The following TBX19 variants were observed in gnomAD, a reference collection of about 807,000 sequenced individuals.
TBX19 encodes T-box transcription factor 19, also known as T-box transcription factor TBX19.
TBX19 carries 33 observed loss-of-function variants against 40.9 expected under a neutral mutation model. The ratio of observed to expected loss-of-function variants is 0.81; its 90% CI spans 0.61 to 1.08. The LOEUF is 1.08. Ranked by LOEUF, TBX19 falls within the 50% of genes least tolerant of loss-of-function variation. TBX19 has a pLI of 0.00. For missense variants in TBX19, 494 were observed against 574.0 expected (o/e 0.86, Z 1.42); for synonymous variants, 220 against 225.0 (o/e 0.98, Z 0.20).
At chr1:168,304,753 A>C (rs144821603) in intron 5 of TBX19, among the ~76,000 whole-genome samples, 177 of 152,276 alleles carry the variant, frequency 1.2e-3, no homozygotes, top group African/African-American at 4.0e-3. Context: ...AACTGCCAAA[A>C]TTTTCTCACT....
intron 6 of TBX19, among the ~76,000 whole-genome samples, chr1:168,307,670 C>G (rs1350977702): frequency 2.6e-5 from 4 of 152,060 alleles, no homozygotes; most frequent in African/African-American, 9.7e-5. Flanking sequence ...CTGCCTTCTT[C>G]CTCTCTCTTA....
chr1:168,311,356 A>G (rs1396018364), intron 7 of TBX19, among the ~76,000 whole-genome samples: 3 of 152,230 alleles, frequency 2.0e-5, no homozygotes, highest in African/African-American at 7.2e-5. Context: ...TGCAGTAAGC[A>G]GTACCTCTCA....
At chr1:168,288,012 G>A (rs528166668) in intron 1 of TBX19, among the ~76,000 whole-genome samples, 1 of 152,054 alleles carries the variant, frequency 6.6e-6, no homozygotes, top group East Asian at 1.9e-4. Flanking sequence ...GACTTAAGTT[G>A]TATTTCACTT....
chr1:168,291,114 T>G, intron 1 of TBX19, 46 bp from the exon 2 acceptor site: 2 of 1,613,218 alleles, frequency 1.2e-6, no homozygotes, highest in Non-Finnish European at 1.7e-6. Flanking sequence ...AGGTGAGAGT[T>G]CCTCTAACGT....
chr1:168,312,694 C>T lies in TBX19; in HGVS notation c.1053-14C>T, dbSNP rs1365086369. The T allele has an allele frequency of 6.2e-7, 1 of 1,609,066 alleles. No homozygotes were observed. The highest frequency in any genetic ancestry group is 8.5e-7 in the Non-Finnish European group (1 of 1,179,996). On this transcript the variant is annotated splice_polypyrimidine_tract_variant and intron_variant, in intron 7 of 7. Coordinates refer to ENST00000367821, the MANE Select transcript of TBX19 (RefSeq NM_005149.3). ...CAGTGAACATTCCCTTCCCCTCTTT[C>T]TCTGTCTCTGCAGCCCCTACCCGTG...
In TBX19 at chr1:168,281,222, C is replaced by G. The variant is rs761813219; in HGVS notation, c.132C>G (p.Ile44Met). 6.2e-7 allele frequency: 1 copy of G among 1,614,142 alleles called. No homozygotes were observed. Residue 44 changes from isoleucine to methionine, a missense_variant, in exon 1 of 8, where the codon ATC (isoleucine) becomes ATG (methionine). Physicochemically the swap from Ile to Met is conservative, Grantham distance 10. This residue lies in a region of TBX19 where 201 missense variants were observed against 235.2 expected (regional missense o/e 0.85). Coordinates refer to ENST00000367821, the MANE Select transcript of TBX19 (RefSeq NM_005149.3). ...GDPTEKQLQI[I>M]LEDAPLWQRF... ...CTACGGAGAAGCAACTTCAGATCAT[C>G]CTGGAGGATGCACCTCTCTGGCAGA...
chr1:168,300,575 T>G (rs1649253917), intron 5 of TBX19, 92 bp downstream of exon 5: 1 of 1,200,156 alleles, frequency 8.3e-7, no homozygotes, highest in African/African-American at 1.5e-5. Context: ...TCAGGACTGC[T>G]TAAGGACTTC....
intron 4 of TBX19, among the ~76,000 whole-genome samples, chr1:168,299,191 A>G (rs1649215904): frequency 1.3e-5 from 2 of 151,912 alleles, no homozygotes; most frequent in Admixed American, 6.6e-5. Context: ...AATTGCTGAG[A>G]TGACAGGCTT....
chr1:168,300,309 G>T, intron 4 of TBX19, 113 bp from the exon 5 acceptor site: 1 of 967,662 alleles, frequency 1.0e-6, no homozygotes, highest in South Asian at 1.4e-5. Context: ...AAAGGTGTTT[G>T]GTTTTCTTAT....
At chr1:168,284,700 G>A (rs1572472115) in intron 1 of TBX19, among the ~76,000 whole-genome samples, 1 of 148,752 alleles carries the variant, frequency 6.7e-6, no homozygotes, top group African/African-American at 2.5e-5. Context: ...ACCTGACCCT[G>A]GGGAGGTCAA....
intron 3 of TBX19, among the ~76,000 whole-genome samples, chr1:168,296,780 A>G (rs539300275): frequency 9.8e-5 from 15 of 152,316 alleles, no homozygotes; most frequent in African/African-American, 3.6e-4. Context: ...AGGCTGAGGC[A>G]GGAAAATCAC....
intron 1 of TBX19, among the ~76,000 whole-genome samples, chr1:168,281,872 G>A (rs2072738): frequency 0.64 from 97,809 of 152,084 alleles, 31,608 homozygotes; most frequent in Non-Finnish European, 0.68. Flanking sequence ...AGTAATAGTG[G>A]ATGAAAACAT....
At chr1:168,307,835 T>C (rs1322690331) in intron 6 of TBX19, among the ~76,000 whole-genome samples, 1 of 152,186 alleles carries the variant, frequency 6.6e-6, no homozygotes, top group African/African-American at 2.4e-5. Context: ...AATTAACATG[T>C]CCATCTCCTC....
At chr1:168,306,512 G>C (rs1254397247) in intron 6 of TBX19, among the ~76,000 whole-genome samples, 1 of 151,288 alleles carries the variant, frequency 6.6e-6, no homozygotes, top group Non-Finnish European at 1.5e-5. Flanking sequence ...TGTAATCCCA[G>C]CTACTTGGGA....
intron 3 of TBX19, 152 bp from the exon 4 acceptor site, chr1:168,297,572 A>G (rs567049651): frequency 5.5e-6 from 4 of 731,930 alleles, no homozygotes; most frequent in Non-Finnish European, 1.0e-5. Flanking sequence ...TCTGCCTCTC[A>G]GAGTGCTGGG....
chr1:168,312,705 C>T lies in TBX19; in HGVS notation c.1053-3C>T, dbSNP rs748796043. The T allele has an allele frequency of 6.8e-6, 11 of 1,611,136 alleles. No homozygotes were observed. Among genetic ancestry groups the T allele is most frequent in the South Asian group, 6.6e-5 (6 of 91,084 alleles). On this transcript the variant is annotated splice_region_variant and splice_polypyrimidine_tract_variant and intron_variant, in intron 7 of 7. Coordinates refer to ENST00000367821, the MANE Select transcript of TBX19 (RefSeq NM_005149.3). ...CCCTTCCCCTCTTTCTCTGTCTCTG[C>T]AGCCCCTACCCGTGCCTGTGGACCA...
chr1:168,293,297 G>GTA lies in TBX19; in HGVS notation c.603+20_603+21insAT, dbSNP rs1367271190. The GTA allele has an allele frequency of 6.5e-7, 1 of 1,546,856 alleles. No individual in the cohort carries two copies. The highest frequency in any genetic ancestry group is 1.6e-5 in the African/African-American group (1 of 63,310). On this transcript the variant is annotated intron_variant, in intron 3 of 7. Coordinates refer to ENST00000367821, the MANE Select transcript of TBX19 (RefSeq NM_005149.3). The stretch of plus-strand genomic sequence containing the variant: ...TGAGGAGGTAAGAGTGTGTGTGTGT[G>GTA]TGTGTGTGTGTGTGTGTGTGTGTGT...
At chr1:168,312,153 CTTAT>C (rs1409260144) in intron 7 of TBX19, among the ~76,000 whole-genome samples, 8 of 152,198 alleles carry the variant, frequency 5.3e-5, no homozygotes, top group African/African-American at 1.9e-4. Flanking sequence ...ATATACTCCT[CTTAT>C]TTAATCCTTG....
In TBX19 at chr1:168,291,337, C is replaced by T. The variant is rs369030642; in HGVS notation, c.381C>T (p.Asp127=). 9 of 1,614,138 alleles carry T rather than the reference C, an allele frequency of 5.6e-6. No individual in the cohort carries two copies. The highest frequency in any genetic ancestry group is 5.3e-5 in the African/African-American group (4 of 74,944). Residue 127 remains aspartate (D), a synonymous_variant, in exon 2 of 8, where the codon GAC becomes GAT. Transcript: ENST00000367821. ...SSHSCVYIHP[D]SPNFGAHWMK... is the part of the protein sequence containing the mutation. The stretch of plus-strand genomic sequence containing the variant: ...ACAGCTGCGTCTACATTCACCCGGA[C>T]TCCCCCAACTTTGGGGCCCACTGGA...
Sources: gnomAD v4.1 joint callset for allele counts (sites outside exome capture counted in the v4.1 genomes callset) on GRCh38, gnomAD v4.1.1 for gene constraint, gnomAD v4.1.1 regional missense constraint, MANE v1.5 for transcripts, NCBI Gene and HGNC (gene_info 2026-07-23, HGNC 2026-07-21) for gene names.